Variants in DCLK2 observed in about 807,000 individuals in gnomAD.
DCLK2 encodes serine/threonine-protein kinase DCLK2.
DCLK2 carries 31 observed loss-of-function variants against 78.4 expected under a neutral mutation model. The ratio of observed to expected loss-of-function variants is 0.40; its 90% CI spans 0.30 to 0.53. DCLK2 has a LOEUF of 0.53. DCLK2 is among the 20% of genes least tolerant of loss of function. The pLI is 0.61. For synonymous variants in DCLK2, 407 were observed against 374.9 expected (o/e 1.09, Z -0.99); for missense variants, 872 against 973.7 (o/e 0.90, Z 1.39).
chr4:150,124,807 G>A (rs1732807519), intron 2 of DCLK2, among the ~76,000 whole-genome samples: 3 of 152,170 alleles, frequency 2.0e-5, no homozygotes, highest in Non-Finnish European at 4.4e-5. Context: ...GAAGTTAAAA[G>A]TGATTTTCTC....
At position 150,232,568 on chromosome 4, in the gene DCLK2, G is replaced by A. The variant is rs137899964; in HGVS notation, c.1419+112G>A. On this transcript the variant is annotated intron_variant, in intron 9 of 15. Transcript: ENST00000296550. Reference sequence around the variant, plus strand: ...CTCATAACTTTCATTATTTATAATCGCCGATTTTAGTGGCACTTGTGTCAT... The same window carrying A: ...CTCATAACTTTCATTATTTATAATCACCGATTTTAGTGGCACTTGTGTCAT... The A allele has an allele frequency of 4.9e-3, 7,518 of 1,526,852 alleles. 380 individuals are homozygous for A. The Admixed American group carries it at 0.098, about 20-fold the overall frequency. 94.6% of individuals were successfully genotyped at this position (1,526,852 alleles called of 1,614,324 possible). A position where few individuals can be genotyped will look rare whatever the true frequency, so the allele number is the denominator to read the frequency against.
At chr4:150,125,738 A>G (rs1187373434) in intron 2 of DCLK2, among the ~76,000 whole-genome samples, 1 of 152,042 alleles carries the variant, frequency 6.6e-6, no homozygotes, top group Non-Finnish European at 1.5e-5. Context: ...AAAAATACAA[A>G]AAATTAGCTG....
chr4:150,198,866 C>G (rs561157151), intron 4 of DCLK2, among the ~76,000 whole-genome samples: 1 of 150,584 alleles, frequency 6.6e-6, no homozygotes, highest in Admixed American at 6.6e-5. Flanking sequence ...TATAAAAGAC[C>G]AAGTTTTTCA....
intron 1 of DCLK2, among the ~76,000 whole-genome samples, chr4:150,091,771 G>A (rs917157178): frequency 2.7e-3 from 72 of 26,980 alleles, no homozygotes; most frequent in Non-Finnish European, 1.7e-3. Context: ...GAACATTTAT[G>A]TGTGTGTGTG....
chr4:150,093,541 C>T (rs948424628), intron 1 of DCLK2, among the ~76,000 whole-genome samples: 19 of 152,206 alleles, frequency 1.2e-4, no homozygotes, highest in Non-Finnish European at 1.9e-4. Context: ...GCCACCATAC[C>T]TGGCTAATTT....
chr4:150,141,968 T>C (rs1308172311), intron 2 of DCLK2, among the ~76,000 whole-genome samples: 1 of 152,226 alleles, frequency 6.6e-6, no homozygotes, highest in Admixed American at 6.5e-5. Flanking sequence ...GCTTGACATA[T>C]TAAATGCTTC....
intron 8 of DCLK2, among the ~76,000 whole-genome samples, chr4:150,225,517 A>G (rs1257347044): frequency 3.3e-5 from 5 of 152,246 alleles, no homozygotes; most frequent in Non-Finnish European, 7.3e-5. Context: ...GTAGAGCTAC[A>G]TCGTTCAACA....
chr4:150,086,229 A>G (rs1729627453), intron 1 of DCLK2, among the ~76,000 whole-genome samples: 1 of 152,122 alleles, frequency 6.6e-6, no homozygotes, highest in South Asian at 2.1e-4. Flanking sequence ...AGATGTTTTA[A>G]TAGTTGGGTA....
At chr4:150,215,426 T>G (rs957735833) in intron 5 of DCLK2, among the ~76,000 whole-genome samples, 6 of 152,212 alleles carry the variant, frequency 3.9e-5, no homozygotes, top group Non-Finnish European at 8.8e-5. Flanking sequence ...CAGCTTCAAG[T>G]TGGAGTTCCC....
intron 15 of DCLK2, among the ~76,000 whole-genome samples, chr4:150,255,335 C>G (rs1166801394): frequency 6.6e-6 from 1 of 152,204 alleles, no homozygotes; most frequent in African/African-American, 2.4e-5. Flanking sequence ...AAAGCAGGAC[C>G]GGGGTCCCTT....
intron 8 of DCLK2, among the ~76,000 whole-genome samples, chr4:150,229,842 CA>C (rs1403979686): frequency 7.2e-5 from 11 of 152,054 alleles, no homozygotes; most frequent in African/African-American, 2.7e-4. Context: ...AATGTAAGTT[CA>C]GTATGGCTCA....
In DCLK2 at chr4:150,102,595, C is replaced by T. The variant is rs751482957; in HGVS notation, c.539C>T (p.Ala180Val). ...GGGACATCCCGAGCGCTGGCTGCTGCCTCCTCTGTGAAAAGTGAAGTAAAA... is the reference window on the plus strand; with the variant it reads ...GGGACATCCCGAGCGCTGGCTGCTGTCTCCTCTGTGAAAAGTGAAGTAAAA... ...KGGTSRALAAASSVKSEVKES... is the reference protein window; with the variant it reads ...KGGTSRALAAVSSVKSEVKES... The change falls in exon 2 of 16, where the codon GCC (alanine) becomes GTC (valine). Residue 180 changes from alanine (A) to valine (V), a missense_variant. Ala to Val is a moderately conservative substitution (Grantham distance 64). Coordinates refer to ENST00000296550, the MANE Select transcript of DCLK2 (RefSeq NM_001040260.4). 21 of 1,614,018 alleles carry T rather than the reference C, an allele frequency of 1.3e-5. No homozygotes were observed. In the Admixed American group the frequency reaches 3.5e-4, roughly 27 times the overall value.
chr4:150,078,838 T>C lies in DCLK2; in HGVS notation c.-190T>C. The C allele has an allele frequency of 1.5e-6, 1 of 671,650 alleles. No individual in the cohort carries two copies. The highest frequency in any genetic ancestry group is 2.3e-6 in the Non-Finnish European group (1 of 434,640). 41.6% of individuals were successfully genotyped at this position (671,650 alleles called of 1,614,324 possible). On this transcript the variant is annotated 5_prime_UTR_variant, in exon 1 of 16. Transcript: ENST00000296550. ...CTGGGCAGCTCGGCGCTGCGGACAC[T>C]TTTAGCTGAGGGCGCGGGCGGGTCG...
At chr4:150,192,856 T>TG (rs1738566872) in intron 2 of DCLK2, among the ~76,000 whole-genome samples, 1 of 152,070 alleles carries the variant, frequency 6.6e-6, no homozygotes. Flanking sequence ...GTGGGGAACC[T>TG]GGGGGAAAAA....
intron 2 of DCLK2, among the ~76,000 whole-genome samples, chr4:150,164,887 A>G (rs552220846): frequency 1.3e-5 from 2 of 152,334 alleles, no homozygotes; most frequent in African/African-American, 4.8e-5. Context: ...TTGGAGTTGC[A>G]ATATCATTGT....
rs764492407 is a variant in DCLK2, at chr4:150,198,048, G to A, written c.906G>A (p.Lys302=). 2.5e-6 allele frequency: 4 copies of A among 1,613,940 alleles called. No homozygotes were observed. Among genetic ancestry groups the A allele is most frequent in the South Asian group, 2.2e-5 (2 of 91,022 alleles). ...CTTATTCTCGATCCTCAGCTGTTAAGTATTCTGGATCCAAAAGCCCTGGGC... is the reference window on the plus strand; with the variant it reads ...CTTATTCTCGATCCTCAGCTGTTAAATATTCTGGATCCAAAAGCCCTGGGC... ...KSSYSRSSAV[K]YSGSKSPGPS... The change falls in exon 4 of 16, where the codon AAG becomes AAA. Residue 302 remains lysine (K), a synonymous_variant. Coordinates refer to ENST00000296550, the MANE Select transcript of DCLK2 (RefSeq NM_001040260.4).
At chr4:150,079,877 G>T (rs185407361) in intron 1 of DCLK2, among the ~76,000 whole-genome samples, 3 of 152,276 alleles carry the variant, frequency 2.0e-5, no homozygotes, top group Non-Finnish European at 2.9e-5. Context: ...TGTTGTGACT[G>T]CTGTCAGAAG....
chr4:150,154,118 A>G (rs1368254390), intron 2 of DCLK2, among the ~76,000 whole-genome samples: 5 of 152,210 alleles, frequency 3.3e-5, no homozygotes, highest in Non-Finnish European at 5.9e-5. Context: ...TTATCAGAAA[A>G]GTGGGGACAT....
chr4:150,133,025 A>T (rs1403983213), intron 2 of DCLK2, among the ~76,000 whole-genome samples: 2 of 152,238 alleles, frequency 1.3e-5, no homozygotes, highest in South Asian at 2.1e-4. Context: ...ATTAACATTG[A>T]ATTCATGGCC....
Sources: allele counts gnomAD v4.1 joint callset (sites outside exome capture counted in the v4.1 genomes callset), GRCh38; gene constraint gnomAD v4.1.1; transcripts MANE v1.5; gene names NCBI Gene and HGNC (gene_info 2026-07-23, HGNC 2026-07-21).